The following PADI4 variants were observed in gnomAD, a reference collection of about 807,000 sequenced individuals.
PADI4 encodes the protein peptidyl arginine deiminase 4.
A neutral mutation model predicts 75.0 loss-of-function variants in PADI4; 62 were observed. That is an observed-to-expected ratio of 0.83 (90% CI 0.67 to 1.02). PADI4 has a LOEUF of 1.02. Among genes scored for constraint, PADI4 ranks in the 50% least tolerant of loss-of-function variants. PADI4 has a pLI of 0.00. For synonymous variants in PADI4, 361 were observed against 348.1 expected (o/e 1.04, Z -0.41); for missense variants, 845 against 850.5 (o/e 0.99, Z 0.08).
In PADI4 at chr1:17,308,226, G is replaced by A; in HGVS notation, c.4G>A (p.Ala2Thr). The A allele has an allele frequency of 6.2e-7, 1 of 1,613,854 alleles. No individual in the cohort carries two copies. Among genetic ancestry groups the A allele is most frequent in the East Asian group, 2.2e-5 (1 of 44,864 alleles). ...AGAGGGACGAGCTAGCCCGACGATG[G>A]CCCAGGGGACATTGATCCGTGTGAC... is the stretch of plus-strand genomic sequence containing the variant. The part of the protein sequence containing the change: M[A>T]QGTLIRVTPE... The change falls in exon 1 of 16, where the codon GCC becomes ACC. Residue 2 changes from alanine (A) to threonine (T), a missense_variant. Transcript: ENST00000375448.
chr1:17,341,101 C>CT (rs34852999), intron 6 of PADI4, among the ~76,000 whole-genome samples: 7,010 of 119,802 alleles, frequency 0.059, 259 homozygotes, highest in Non-Finnish European at 0.07. Flanking sequence ...GCCTCTGTTT[C>CT]TTTTTTTTTT....
chr1:17,337,733 G>A (rs1570040921), intron 4 of PADI4, among the ~76,000 whole-genome samples: 1 of 151,896 alleles, frequency 6.6e-6, no homozygotes, highest in East Asian at 2.0e-4. Flanking sequence ...TGGCCAACAT[G>A]GTGAAATCCC....
chr1:17,308,601 C>T (rs116766474), intron 1 of PADI4, among the ~76,000 whole-genome samples: 78 of 152,306 alleles, frequency 5.1e-4, no homozygotes, highest in African/African-American at 1.8e-3. Flanking sequence ...ATCGAGGCAA[C>T]AGAAGCTTAC....
At chr1:17,325,778 G>C (rs2074108378) in intron 1 of PADI4, among the ~76,000 whole-genome samples, 1 of 151,042 alleles carries the variant, frequency 6.6e-6, no homozygotes, top group Non-Finnish European at 1.5e-5. Context: ...GCACAATCTT[G>C]ACTCACTGCA....
chr1:17,358,431 G>A lies in PADI4; in HGVS notation c.1559-407G>A, dbSNP rs1360569842. 9.3e-5 allele frequency among the ~76,000 whole-genome samples: 5 copies of A among 53,796 alleles called. 2 individuals carry two copies. The highest frequency in any genetic ancestry group is 1.6e-4 in the Non-Finnish European group (5 of 30,348). The allele number at this position is 53,796 out of a possible 152,430, so 35.3% of individuals were successfully genotyped here. A position where few individuals can be genotyped will look rare whatever the true frequency, so the allele number is the denominator to read the frequency against. On this transcript the variant is annotated intron_variant, in intron 13 of 15. Transcript: ENST00000375448. ...AAATACAAAAAATTAGCCGGGCGAG[G>A]TGGCGGGCGCCTGTAGTCCCAGCTA...
At chr1:17,326,044 C>T (rs1248511348) in intron 1 of PADI4, among the ~76,000 whole-genome samples, 1 of 152,052 alleles carries the variant, frequency 6.6e-6, no homozygotes, top group African/African-American at 2.4e-5. Context: ...CACATTTTCC[C>T]TGTCAAACAG....
At chr1:17,361,587 A>G (rs1293712038) in intron 15 of PADI4, among the ~76,000 whole-genome samples, 1 of 152,250 alleles carries the variant, frequency 6.6e-6, no homozygotes, top group Non-Finnish European at 1.5e-5. Flanking sequence ...GTGTGCCAGC[A>G]CAGTGCTGTG....
intron 8 of PADI4, among the ~76,000 whole-genome samples, chr1:17,343,109 C>T (rs1054023851): frequency 1.3e-5 from 2 of 152,198 alleles, no homozygotes; most frequent in Admixed American, 1.3e-4. Context: ...ATCACTTGAA[C>T]CCAGGAGGCC....
chr1:17,356,264 C>A lies in PADI4; in HGVS notation c.1456-93C>A. On this transcript the variant is annotated intron_variant, in intron 12 of 15. Coordinates refer to ENST00000375448, the MANE Select transcript of PADI4 (RefSeq NM_012387.3). The surrounding 1 kb of genome is among the most constrained non-coding windows in gnomAD (Gnocchi z 4.1). ...GTAGAGGAGGTGGCCAGCTTGGGTC[C>A]AAGTCCACACTACTCCCACCCTCAG... 1.6e-6 allele frequency: 2 copies of A among 1,268,250 alleles called. No individual in the cohort carries two copies. The highest frequency in any genetic ancestry group is 2.2e-6 in the Non-Finnish European group (2 of 906,004). The allele number at this position is 1,268,250 out of a possible 1,614,324, so 78.6% of individuals were successfully genotyped here.
chr1:17,312,234 T>C (rs1049936112), intron 1 of PADI4, among the ~76,000 whole-genome samples: 13 of 151,328 alleles, frequency 8.6e-5, no homozygotes, highest in African/African-American at 3.2e-4. Context: ...CCAAGGAGGG[T>C]GGATCACCTG....
intron 11 of PADI4, among the ~76,000 whole-genome samples, chr1:17,355,114 T>G (rs2074737594): frequency 6.6e-6 from 1 of 152,062 alleles, no homozygotes. Context: ...GGGAAGGGGC[T>G]TTTGAACTGA....
intron 15 of PADI4, among the ~76,000 whole-genome samples, chr1:17,361,646 C>T (rs554727271): frequency 1.4e-4 from 22 of 152,296 alleles, no homozygotes; most frequent in African/African-American, 5.1e-4. Context: ...ATGTGTTGGG[C>T]TCATTTTGCT....
chr1:17,353,589 G>A (rs907467253), intron 10 of PADI4, among the ~76,000 whole-genome samples: 4 of 152,116 alleles, frequency 2.6e-5, no homozygotes, highest in Non-Finnish European at 4.4e-5. Context: ...TGGGAGGCAG[G>A]GGAGATGGGC....
Position 17,356,225 on chromosome 1 carries a change from C to A in PADI4, c.1455+98C>A. 1 of 1,411,536 alleles carries A rather than the reference C, an allele frequency of 7.1e-7. No homozygotes were observed. Among genetic ancestry groups the A allele is most frequent in the Non-Finnish European group, 9.8e-7 (1 of 1,023,198 alleles). The allele number at this position is 1,411,536 out of a possible 1,614,324, so 87.4% of individuals were successfully genotyped here. On this transcript the variant is annotated intron_variant, in intron 12 of 15. Transcript: ENST00000375448. This position sits in a 1 kb window ranked among gnomAD's most constrained non-coding sequence, Gnocchi z 4.1. ...ACTTTACTTGTCTATTTCTCCTTCA[C>A]CCTTAGGATGGCAGTAGAGGAGGTG...
chr1:17,319,532 G>C (rs545714143), intron 1 of PADI4, among the ~76,000 whole-genome samples: 2 of 152,292 alleles, frequency 1.3e-5, no homozygotes, highest in African/African-American at 4.8e-5. Flanking sequence ...TAAAAAAAGA[G>C]AGAGAGAGAC....
chr1:17,337,147 T>TTATG (rs59042286), intron 4 of PADI4, among the ~76,000 whole-genome samples: 13 of 148,216 alleles, frequency 8.8e-5, no homozygotes, highest in African/African-American at 2.2e-4. Context: ...ATTTATGTAT[T>TTATG]TATGTATTTA....
At chr1:17,321,040 G>A (rs1381402433) in intron 1 of PADI4, among the ~76,000 whole-genome samples, 1 of 152,184 alleles carries the variant, frequency 6.6e-6, no homozygotes, top group African/African-American at 2.4e-5. Context: ...GGACTAGGGT[G>A]TGGTCATCTT....
chr1:17,338,314 G>C (rs779228723), intron 5 of PADI4, among the ~76,000 whole-genome samples, 159 bp downstream of exon 5: 1 of 152,172 alleles, frequency 6.6e-6, no homozygotes, highest in Non-Finnish European at 1.5e-5. Context: ...AAGGCCCTCG[G>C]GGGTCAAGTG....
chr1:17,349,741 C>CAA (rs548756900), intron 10 of PADI4, among the ~76,000 whole-genome samples: 3,664 of 110,222 alleles, frequency 0.033, 757 homozygotes, highest in Middle Eastern at 0.045. Context: ...AAAACAACAA[C>CAA]AAAAAACACC....
Sources: allele counts gnomAD v4.1 joint callset (sites outside exome capture counted in the v4.1 genomes callset), GRCh38; gene constraint gnomAD v4.1.1; non-coding constraint Gnocchi (gnomAD v3.1); transcripts MANE v1.5; gene names NCBI Gene and HGNC (gene_info 2026-07-23, HGNC 2026-07-21).